Variants in PDE1C observed in about 807,000 individuals in gnomAD.
PDE1C encodes dual specificity calcium/calmodulin-dependent 3',5'-cyclic nucleotide phosphodiesterase 1C.
PDE1C carries 62 observed loss-of-function variants against 93.1 expected under a neutral mutation model. That is an observed-to-expected ratio of 0.67 (90% CI 0.54 to 0.82). The LOEUF (loss-of-function observed/expected upper bound fraction) is 0.82. Among genes scored for constraint, PDE1C ranks in the 40% least tolerant of loss-of-function variants. PDE1C has a pLI of 0.00. For missense variants in PDE1C, 742 were observed against 884.6 expected (o/e 0.84, Z 2.04); for synonymous variants, 325 against 310.1 (o/e 1.05, Z -0.50).
At chr7:31,887,443 A>G (rs1394709030) in intron 2 of PDE1C, among the ~76,000 whole-genome samples, 1 of 152,254 alleles carries the variant, frequency 6.6e-6, no homozygotes, top group East Asian at 1.9e-4. Flanking sequence ...GAAATAAATT[A>G]CTGGACTCCA....
intron 1 of PDE1C, among the ~76,000 whole-genome samples, chr7:32,387,667 C>T (rs1215197928): frequency 2.9e-5 from 4 of 139,258 alleles, no homozygotes; most frequent in Admixed American, 1.4e-4. Flanking sequence ...GGGCGGCTGG[C>T]CGGGCGGGGG....
chr7:31,641,799 A>T, the PDE1C span, among the ~76,000 whole-genome samples: 1 of 152,330 alleles, frequency 6.6e-6, no homozygotes, highest in East Asian at 1.9e-4. Flanking sequence ...ATACACACAC[A>T]CAAATATATA....
chr7:31,779,652 G>A (rs1158528399), intron 16 of PDE1C, among the ~76,000 whole-genome samples: 1 of 152,170 alleles, frequency 6.6e-6, no homozygotes, highest in African/African-American at 2.4e-5. Flanking sequence ...TATACAGGTA[G>A]CAGGCGGGGA....
chr7:31,750,528 T>C (rs1794099805), downstream of PDE1C, among the ~76,000 whole-genome samples: 1 of 152,186 alleles, frequency 6.6e-6, no homozygotes, highest in Non-Finnish European at 1.5e-5. Flanking sequence ...ATAGCTAATA[T>C]TTATTGAGCC....
chr7:32,330,068 A>T (rs983009894), intron 1 of PDE1C, among the ~76,000 whole-genome samples: 1 of 152,232 alleles, frequency 6.6e-6, no homozygotes, highest in Non-Finnish European at 1.5e-5. Context: ...TTCAGAACAC[A>T]TATCTTTGGC....
the PDE1C span, among the ~76,000 whole-genome samples, chr7:31,737,389 T>C: frequency 2.6e-4 from 39 of 152,314 alleles, no homozygotes; most frequent in Non-Finnish European, 4.9e-4. Flanking sequence ...AACTGTTTCT[T>C]TTGAAACCCA....
intron 9 of PDE1C, among the ~76,000 whole-genome samples, chr7:31,842,410 T>C (rs1022301889): frequency 1.3e-5 from 2 of 152,100 alleles, no homozygotes; most frequent in African/African-American, 4.8e-5. Flanking sequence ...AGTTAAACTA[T>C]CCAAGGCTGG....
chr7:31,658,269 A>T, the PDE1C span: 1 of 1,502,818 alleles, frequency 6.7e-7, no homozygotes, highest in Non-Finnish European at 8.8e-7. Context: ...ATTCTCTTAT[A>T]GGTGAATTAT....
chr7:31,703,481 T>C, the PDE1C span, among the ~76,000 whole-genome samples: 1 of 152,216 alleles, frequency 6.6e-6, no homozygotes, highest in Non-Finnish European at 1.5e-5. Context: ...AGCCTCTGTA[T>C]GCATTATGGA....
chr7:32,197,536 T>C (rs1032744519), intron 2 of PDE1C, among the ~76,000 whole-genome samples: 1 of 152,164 alleles, frequency 6.6e-6, no homozygotes, highest in Non-Finnish European at 1.5e-5. Flanking sequence ...AGCCAAAAAT[T>C]AGAGACAACC....
the PDE1C span, among the ~76,000 whole-genome samples, chr7:31,674,650 G>C: frequency 6.6e-6 from 1 of 152,136 alleles, no homozygotes; most frequent in African/African-American, 2.4e-5. Flanking sequence ...ATAACAGAAA[G>C]AGCACTGCAG....
intron 2 of PDE1C, among the ~76,000 whole-genome samples, chr7:31,957,693 G>A (rs981766369): frequency 6.6e-6 from 1 of 152,144 alleles, no homozygotes; most frequent in Admixed American, 6.5e-5. Flanking sequence ...ATACACTGGT[G>A]TTCTCTTCCT....
At chr7:32,420,771 T>G (rs1446760736) in intron 1 of PDE1C, among the ~76,000 whole-genome samples, 1 of 152,022 alleles carries the variant, frequency 6.6e-6, no homozygotes, top group Non-Finnish European at 1.5e-5. Flanking sequence ...AAAGTGGAGG[T>G]GATATCTGAG....
chr7:31,649,850 A>G, the PDE1C span, among the ~76,000 whole-genome samples: 2 of 152,200 alleles, frequency 1.3e-5, no homozygotes, highest in Admixed American at 1.3e-4. Context: ...AGTTAAAGCC[A>G]TGAAAACAGA....
chr7:32,032,833 G>A (rs192333821), intron 2 of PDE1C, among the ~76,000 whole-genome samples: 62 of 152,166 alleles, frequency 4.1e-4, no homozygotes, highest in African/African-American at 1.4e-3. Context: ...CAGAATCCAC[G>A]TTTTAAAAAC....
chr7:31,865,016 G>T lies in PDE1C; in HGVS notation c.676C>A (p.Pro226Thr). Reference protein sequence around the residue: ...LEVGYSKHKNPYHNLMHAADV... With the variant: ...LEVGYSKHKNTYHNLMHAADV... ...GCAGCGTGCATTAAGTTATGGTAAG[G>T]ATTTTTGTGCTTGCTGTATCCCACT... is the stretch of plus-strand genomic sequence containing the variant. Residue 226 changes from proline (P) to threonine (T), a missense_variant, in exon 7 of 18, where the codon CCT (proline) becomes ACT (threonine). Pro to Thr is a conservative substitution (Grantham distance 38). Transcript: ENST00000396191. 6.2e-7 allele frequency: 1 copy of T among 1,614,106 alleles called. No individual in the cohort carries two copies.
chr7:31,937,032 C>T (rs1406644939), intron 2 of PDE1C, among the ~76,000 whole-genome samples: 1 of 152,066 alleles, frequency 6.6e-6, no homozygotes, highest in Non-Finnish European at 1.5e-5. Context: ...TAGGTAAATT[C>T]AAAGATTTAT....
chr7:32,041,972 G>GA (rs939924951), intron 2 of PDE1C, among the ~76,000 whole-genome samples: 33 of 150,694 alleles, frequency 2.2e-4, no homozygotes, highest in African/African-American at 7.3e-4. Context: ...ATTTGGGGAA[G>GA]AAAAAAAAAG....
rs1310065828 is a variant in PDE1C, at chr7:31,823,066, A to T, written c.1582+7T>A. On this transcript the variant is annotated splice_region_variant and intron_variant, in intron 14 of 17. Transcript: ENST00000396191. Reference sequence around the variant, plus strand: ...GAATTGGTTTGGACAGGTCTGTGGCATGTTACCTTTGGGTACCTTGGCCCT... The same window carrying T: ...GAATTGGTTTGGACAGGTCTGTGGCTTGTTACCTTTGGGTACCTTGGCCCT... 1.2e-5 allele frequency: 19 copies of T among 1,606,426 alleles called. No homozygotes were observed. Among genetic ancestry groups the T allele is most frequent in the Non-Finnish European group, 1.6e-5 (19 of 1,176,064 alleles).
Sources: allele counts gnomAD v4.1 joint callset (sites outside exome capture counted in the v4.1 genomes callset), GRCh38; gene constraint gnomAD v4.1.1; transcripts MANE v1.5; gene names NCBI Gene and HGNC (gene_info 2026-07-23, HGNC 2026-07-21).